The following PACRG variants were observed in gnomAD, a reference collection of about 807,000 sequenced individuals.
The protein encoded by PACRG is parkin coregulated, also known as parkin coregulated gene protein.
Under a neutral mutation model 29.7 loss-of-function variants are expected in PACRG, and 29 were observed. That is an observed-to-expected ratio of 0.98 (90% CI 0.73 to 1.33). The LOEUF (loss-of-function observed/expected upper bound fraction) is 1.33, where lower values mean the gene tolerates loss of function less well. Among genes scored for constraint, PACRG ranks in the 40% most tolerant of loss-of-function variants. The probability of loss-of-function intolerance (pLI) is 0.00; values close to 1 mark genes in which losing one functional copy is unlikely to be tolerated. For missense variants in PACRG, 279 were observed against 316.2 expected, an observed-to-expected ratio of 0.88 and a Z score of 0.89; for synonymous variants, 116 against 118.7, an observed-to-expected ratio of 0.98 and a Z score of 0.15.
rs564683976 is a variant in PACRG, at chr6:163,207,952, G to A, written c.614-106875G>A. Among the ~76,000 whole-genome samples, 4 of 152,330 alleles carry A rather than the reference G, an allele frequency of 2.6e-5. No individual in the cohort carries two copies. The South Asian group carries it at 8.3e-4, about 32-fold the overall frequency. ...CTGTGGATACCATATGGATGTCGCT[G>A]AGAAGGAGTGGGGACTTGGGCAGCA... On this transcript the variant is annotated intron_variant, in intron 4 of 4. Coordinates refer to ENST00000366888, the MANE Select transcript of PACRG (RefSeq NM_001080379.2).
chr6:162,756,237 TG>T (rs1475357912), intron 1 of PACRG, among the ~76,000 whole-genome samples: 1 of 152,196 alleles, frequency 6.6e-6, no homozygotes, highest in African/African-American at 2.4e-5. Flanking sequence ...TTGTTGAAAG[TG>T]GCGTATTAAG....
intron 4 of PACRG, among the ~76,000 whole-genome samples, chr6:163,203,668 G>A (rs1478166733): frequency 6.6e-6 from 1 of 152,180 alleles, no homozygotes; most frequent in Non-Finnish European, 1.5e-5. Flanking sequence ...GACAATAATA[G>A]CAAATTCTGA....
At chr6:162,990,485 C>T (rs999693133) in intron 2 of PACRG, among the ~76,000 whole-genome samples, 1 of 144,694 alleles carries the variant, frequency 6.9e-6, no homozygotes, top group African/African-American at 2.7e-5. Flanking sequence ...TCTCTGATGG[C>T]CAGTGATGAT....
At chr6:163,026,170 T>G (rs1807112848) in intron 2 of PACRG, among the ~76,000 whole-genome samples, 1 of 152,120 alleles carries the variant, frequency 6.6e-6, no homozygotes, top group Non-Finnish European at 1.5e-5. Flanking sequence ...AGAAATCAAT[T>G]TGATAAAAGG....
intron 2 of PACRG, among the ~76,000 whole-genome samples, chr6:162,978,025 T>C (rs1221886110): frequency 6.6e-6 from 1 of 151,800 alleles, no homozygotes; most frequent in Non-Finnish European, 1.5e-5. Flanking sequence ...GCGCCTGTAA[T>C]CCCAGCTACT....
chr6:162,880,749 G>T (rs1468706161), intron 2 of PACRG, among the ~76,000 whole-genome samples: 1 of 152,120 alleles, frequency 6.6e-6, no homozygotes, highest in African/African-American at 2.4e-5. Flanking sequence ...ACAAAAATAA[G>T]CAGTAAAAAA....
At chr6:163,108,883 C>G (rs1185834126) in intron 4 of PACRG, among the ~76,000 whole-genome samples, 1 of 152,110 alleles carries the variant, frequency 6.6e-6, no homozygotes, top group Non-Finnish European at 1.5e-5. Context: ...TCATCAAAAT[C>G]AATACATCAA....
At chr6:163,081,856 A>C (rs756123361) in intron 3 of PACRG, among the ~76,000 whole-genome samples, 4 of 152,236 alleles carry the variant, frequency 2.6e-5, no homozygotes, top group Non-Finnish European at 4.4e-5. Context: ...TGATAAAAAA[A>C]CTAACATGCC....
chr6:163,277,348 T>A (rs766880470), intron 4 of PACRG, among the ~76,000 whole-genome samples: 24 of 151,994 alleles, frequency 1.6e-4, no homozygotes, highest in Non-Finnish European at 3.2e-4. Context: ...AGTGAGAACA[T>A]ATGATGTTTG....
At chr6:163,215,115 G>A (rs1296536767) in intron 4 of PACRG, among the ~76,000 whole-genome samples, 2 of 151,616 alleles carry the variant, frequency 1.3e-5, no homozygotes, top group Non-Finnish European at 1.5e-5. Flanking sequence ...CTCAGTCACG[G>A]CATTTTTTTT....
rs371798487 is a variant in PACRG, at chr6:163,269,967, G to GA, written c.614-44857dup. Among the ~76,000 whole-genome samples, 39 of 56,152 alleles carry GA rather than the reference G, an allele frequency of 6.9e-4. 2 individuals carry two copies. Among genetic ancestry groups the GA allele is most frequent in the African/African-American group, 1.7e-3 (25 of 14,344 alleles). The allele number at this position is 56,152 out of a possible 152,430, so 36.8% of individuals were successfully genotyped here. A position where few individuals can be genotyped will look rare whatever the true frequency, so the allele number is the denominator to read the frequency against. On this transcript the variant is annotated intron_variant, in intron 4 of 4. Transcript: ENST00000366888. ...AGAAAGAAAGAAAGAAAGAAAGAAA[G>GA]AAAGAAAGAAAGAAAGAAAGAAAGA... is the stretch of plus-strand genomic sequence containing the variant.
intron 4 of PACRG, among the ~76,000 whole-genome samples, chr6:163,186,908 G>T (rs966721106): frequency 6.6e-6 from 1 of 152,154 alleles, no homozygotes. Flanking sequence ...CGGTTGTTTG[G>T]GGGCATCCAC....
chr6:163,164,676 G>A (rs1778714694), intron 4 of PACRG, among the ~76,000 whole-genome samples: 1 of 152,176 alleles, frequency 6.6e-6, no homozygotes, highest in South Asian at 2.1e-4. Context: ...CCACCTCTCA[G>A]CCACTGGCCC....
intron 2 of PACRG, among the ~76,000 whole-genome samples, chr6:162,906,031 A>T (rs1050459170): frequency 1.3e-5 from 2 of 152,112 alleles, no homozygotes; most frequent in South Asian, 4.2e-4. Flanking sequence ...TAAGATTTTG[A>T]TACAGAAAAA....
intron 2 of PACRG, among the ~76,000 whole-genome samples, chr6:162,941,699 T>C (rs1189150987): frequency 6.6e-6 from 1 of 152,208 alleles, no homozygotes; most frequent in African/African-American, 2.4e-5. Context: ...TCATGCTACA[T>C]TGTATGCATA....
At chr6:163,101,644 G>C (rs1464270241) in intron 4 of PACRG, among the ~76,000 whole-genome samples, 5 of 152,114 alleles carry the variant, frequency 3.3e-5, no homozygotes, top group Non-Finnish European at 7.3e-5. Context: ...CATGGAGTGA[G>C]GAGAAGGAGT....
intron 2 of PACRG, among the ~76,000 whole-genome samples, chr6:162,851,904 G>A (rs1351831410): frequency 2.1e-5 from 3 of 142,910 alleles, no homozygotes; most frequent in African/African-American, 7.8e-5. Context: ...AAGTATAGAA[G>A]GAAAAAGAAA....
intron 4 of PACRG, among the ~76,000 whole-genome samples, chr6:163,267,698 T>C (rs1562347982): frequency 1.3e-5 from 2 of 152,246 alleles, no homozygotes; most frequent in Non-Finnish European, 2.9e-5. Context: ...TGTCATAAAA[T>C]GGTTTATTCT....
rs145551840 is a variant in PACRG, at chr6:162,960,657, A to G, written c.292-101493A>G. ...GTTAAAAAACTACCTATTGGGTACT[A>G]TGTTCACTACCTGGATGCAATATAT... On this transcript the variant is annotated intron_variant, in intron 2 of 4. Transcript: ENST00000366888. Among the ~76,000 whole-genome samples the G allele has an allele frequency of 1.9e-3, 289 of 152,312 alleles. 1 individual carries two copies. The highest frequency in any genetic ancestry group is 6.3e-3 in the African/African-American group (264 of 41,580).
Sources: gnomAD v4.1 joint callset for allele counts (sites outside exome capture counted in the v4.1 genomes callset) on GRCh38, gnomAD v4.1.1 for gene constraint, MANE v1.5 for transcripts, NCBI Gene and HGNC (gene_info 2026-07-23, HGNC 2026-07-21) for gene names.